Variants in USP34 observed in about 807,000 individuals in gnomAD.
The protein encoded by USP34 is ubiquitin specific peptidase 34.
Under a neutral mutation model 460.3 loss-of-function variants are expected in USP34, and 70 were observed. The observed-to-expected ratio is 0.15, with a 90% CI of 0.13 to 0.19. USP34 has a LOEUF of 0.19. Ranked by LOEUF, USP34 falls within the 10% of genes least tolerant of loss-of-function variation. The probability of loss-of-function intolerance (pLI) is 1.00; values close to 1 mark genes in which losing one functional copy is unlikely to be tolerated. For synonymous variants in USP34, 1,647 were observed against 1,405.3 expected (o/e 1.17, Z -3.85); for missense variants, 3,985 against 4,236.2 (o/e 0.94, Z 1.65).
rs529297786 is a variant in USP34 at position 61,466,067 on chromosome 2, A to G, written c.43+4583T>C. Reference sequence around the variant, plus strand: ...AGGGATAGGGAGAGATTTGTTAAAGAATATAAAATTACAGTGAGATAGAAG... The same window carrying G: ...AGGGATAGGGAGAGATTTGTTAAAGGATATAAAATTACAGTGAGATAGAAG... On this transcript the variant is annotated intron_variant, in intron 1 of 79. Transcript: ENST00000398571. Among the ~76,000 whole-genome samples the G allele has an allele frequency of 7.2e-5, 11 of 152,226 alleles. No individual in the cohort carries two copies. In the East Asian group the frequency reaches 9.7e-4, roughly 13 times the overall value.
At chr2:61,456,203 C>T (rs1200775927) in intron 1 of USP34, among the ~76,000 whole-genome samples, 1 of 152,160 alleles carries the variant, frequency 6.6e-6, no homozygotes, top group Non-Finnish European at 1.5e-5. Flanking sequence ...GGGCTTACTG[C>T]CCAGAAGCAA....
Position 61,311,600 on chromosome 2 carries a change from T to C in USP34, c.3757A>G (p.Ile1253Val), listed in dbSNP as rs1421361513. 3.1e-6 allele frequency: 5 copies of C among 1,613,632 alleles called. No individual in the cohort carries two copies. Among genetic ancestry groups the C allele is most frequent in the Non-Finnish European group, 4.2e-6 (5 of 1,179,880 alleles). ...HWYENLQKEQ[I>V]NQQAQLQEFG... is the part of the protein sequence containing the mutation. ...TCCTGAAGCTGAGCTTGTTGATTTA[T>C]TTGTTCTTTCTGTAAATTTTCATAC... The change falls in exon 27 of 80, where the codon ATA becomes GTA. Residue 1253 changes from isoleucine to valine, a missense_variant. Around this residue, in one of 14 missense-constraint regions of USP34, gnomAD observed 1,114 missense variants for 1,122.5 expected, o/e 0.99. Coordinates refer to ENST00000398571, the MANE Select transcript of USP34 (RefSeq NM_014709.4).
intron 3 of USP34, 56 bp from the exon 4 acceptor site, chr2:61,395,289 A>G: frequency 9.5e-7 from 1 of 1,051,448 alleles, no homozygotes; most frequent in South Asian, 1.4e-5. Context: ...ACCTTTAAAA[A>G]ATACAATTCT....
At chr2:61,395,900 T>C (rs1644893629) in intron 3 of USP34, among the ~76,000 whole-genome samples, 1 of 151,152 alleles carries the variant, frequency 6.6e-6, no homozygotes, top group African/African-American at 2.4e-5. Flanking sequence ...ACCTTGTCTC[T>C]ACGAAAAATA....
chr2:61,439,853 C>G (rs528474890), intron 1 of USP34, among the ~76,000 whole-genome samples: 9 of 152,170 alleles, frequency 5.9e-5, no homozygotes, highest in African/African-American at 2.2e-4. Context: ...GATGTGTGGC[C>G]CAGAGAGGTG....
rs1192240675 is a variant in USP34 at position 61,188,440 on chromosome 2, C to T, written c.10303G>A (p.Ala3435Thr). ...EDMSNIRSQH[A>T]EEQSNNGRYD... ...CTACCATTGTTGGACTGTTCTTCTG[C>T]ATGCTGTGACCTGATATTTGACATG... Residue 3435 changes from alanine to threonine, a missense_variant, in exon 80 of 80, where the codon GCA (alanine) becomes ACA (threonine). Physicochemically the swap from Ala to Thr is moderately conservative, Grantham distance 58. Transcript: ENST00000398571. 2 of 1,614,186 alleles carry T rather than the reference C, an allele frequency of 1.2e-6. No homozygotes were observed. The highest frequency in any genetic ancestry group is 3.3e-5 in the Admixed American group (2 of 60,024).
intron 1 of USP34, among the ~76,000 whole-genome samples, chr2:61,463,790 T>C (rs1382263122): frequency 6.6e-6 from 1 of 150,584 alleles, no homozygotes; most frequent in Admixed American, 6.7e-5. Context: ...GCCGAGATCA[T>C]GCCATTGCAC....
At chr2:61,266,263 C>T in intron 41 of USP34, 96 bp from the exon 42 acceptor site, 3 of 1,220,158 alleles carry the variant, frequency 2.5e-6, no homozygotes, top group Non-Finnish European at 3.4e-6. Flanking sequence ...TACAATTAAG[C>T]TACTCAAAAA....
intron 1 of USP34, among the ~76,000 whole-genome samples, chr2:61,424,613 T>A (rs1694456566): frequency 6.6e-6 from 1 of 152,182 alleles, no homozygotes; most frequent in African/African-American, 2.4e-5. Flanking sequence ...GTTTCGCTCA[T>A]GTCTGTAATC....
At chr2:61,427,929 G>A (rs2103989966) in intron 1 of USP34, among the ~76,000 whole-genome samples, 1 of 152,222 alleles carries the variant, frequency 6.6e-6, no homozygotes, top group South Asian at 2.1e-4. Flanking sequence ...TTGGATGGCT[G>A]AGGGAGGCAG....
intron 5 of USP34, among the ~76,000 whole-genome samples, chr2:61,387,976 TA>T (rs1222035921): frequency 6.9e-6 from 1 of 145,960 alleles, no homozygotes; most frequent in East Asian, 2.0e-4. Flanking sequence ...TATATAAATA[TA>T]AAAAAAAGGC....
chr2:61,294,232 G>C (rs1274001276), intron 32 of USP34, among the ~76,000 whole-genome samples: 1 of 151,780 alleles, frequency 6.6e-6, no homozygotes, highest in East Asian at 2.0e-4. Context: ...TGTAGTACCA[G>C]CTACTCCAGA....
At chr2:61,399,778 C>T (rs1004617196) in intron 3 of USP34, among the ~76,000 whole-genome samples, 3 of 146,684 alleles carry the variant, frequency 2.0e-5, no homozygotes, top group African/African-American at 7.5e-5. Context: ...GACGCTGAGG[C>T]CGGTGAATCG....
intron 1 of USP34, among the ~76,000 whole-genome samples, chr2:61,443,259 T>C (rs1695017008): frequency 2.0e-5 from 3 of 152,090 alleles, no homozygotes; most frequent in Admixed American, 6.6e-5. Flanking sequence ...TAATACATTA[T>C]ATAGATTCAA....
At position 61,348,325 on chromosome 2, in the gene USP34, C is replaced by T; in HGVS notation, c.1830G>A (p.Gln610=). Residue 610 remains glutamine (Q), a synonymous_variant, in exon 15 of 80, where the codon CAG becomes CAA. Transcript: ENST00000398571. ...QSAGSPGSEV[Q]SEDIADIEAL... is the part of the protein sequence containing the mutation. ...CTTCAATATCTGCAATGTCTTCTGA[C>T]TGTACCTCACTGCCAGGGCTCCCAG... 3 of 1,614,180 alleles carry T rather than the reference C, an allele frequency of 1.9e-6. No individual in the cohort carries two copies. The highest frequency in any genetic ancestry group is 1.3e-5 in the African/African-American group (1 of 75,050).
chr2:61,227,150 C>T lies in USP34; in HGVS notation c.7512G>A (p.Leu2504=), dbSNP rs757176792. Residue 2504 remains leucine, a synonymous_variant, in exon 62 of 80, where the codon CTG becomes CTA. Transcript: ENST00000398571. ...CAGCTGGCCTGTATTTTTCTTCTGC[C>T]AGAGAGAGGATATCTTCTTCCTCCT... is the stretch of plus-strand genomic sequence containing the variant. ...EEEEEEDILS[L]AEEKYRPAAL... is the part of the protein sequence containing the mutation. 2.0e-5 allele frequency: 33 copies of T among 1,613,954 alleles called. No homozygotes were observed. In the Admixed American group the frequency reaches 5.5e-4, roughly 27 times the overall value.
At chr2:61,342,337 G>C (rs1349245284) in intron 16 of USP34, among the ~76,000 whole-genome samples, 1 of 119,060 alleles carries the variant, frequency 8.4e-6, no homozygotes, top group Admixed American at 1.2e-4. Context: ...GTCTCACTCT[G>C]TCATCCAGGC....
In USP34 at chr2:61,380,292, C is replaced by G. The variant is rs1390039712; in HGVS notation, c.891G>C (p.Trp297Cys). The G allele has an allele frequency of 6.2e-7, 1 of 1,614,096 alleles. No homozygotes were observed. The highest frequency in any genetic ancestry group is 8.5e-7 in the Non-Finnish European group (1 of 1,179,980). ...SAARNMADLM[W>C]STVKEPLDTT... ...TATCCAATGGTTCTTTGACTGTGCT[C>G]CACATTAAGTCAGCCATGTTACGAG... Residue 297 changes from tryptophan (W) to cysteine (C), a missense_variant, in exon 7 of 80, where the codon TGG becomes TGC. Physicochemically the swap from Trp to Cys is radical, Grantham distance 215. Around this residue, in one of 14 missense-constraint regions of USP34, gnomAD observed 70 missense variants for 109.5 expected, o/e 0.64. Transcript: ENST00000398571.
At chr2:61,193,731 A>T (rs1376104554) in intron 75 of USP34, among the ~76,000 whole-genome samples, 1 of 152,188 alleles carries the variant, frequency 6.6e-6, no homozygotes, top group African/African-American at 2.4e-5. Flanking sequence ...GGCAAGTATA[A>T]TCATGGAGAA....
Sources: gnomAD v4.1 joint callset for allele counts (sites outside exome capture counted in the v4.1 genomes callset) on GRCh38, gnomAD v4.1.1 for gene constraint, gnomAD v4.1.1 regional missense constraint, MANE v1.5 for transcripts, NCBI Gene and HGNC (gene_info 2026-07-23, HGNC 2026-07-21) for gene names.